Variants in TMEM218 observed in about 807,000 individuals in gnomAD.
TMEM218 encodes transmembrane protein 218.
A neutral mutation model predicts 10.0 loss-of-function variants in TMEM218; 8 were observed. That is an observed-to-expected ratio of 0.80 (90% CI 0.47 to 1.44). The LOEUF (loss-of-function observed/expected upper bound fraction) is 1.44. TMEM218 is among the 40% of genes most tolerant of loss of function. TMEM218 has a pLI of 0.00. For synonymous variants in TMEM218, 66 were observed against 63.5 expected (o/e 1.04, Z -0.18); for missense variants, 110 against 140.1 (o/e 0.79, Z 1.08).
At chr11:125,099,645 T>C (rs1040438431) in intron 4 of TMEM218, among the ~76,000 whole-genome samples, 1 of 152,114 alleles carries the variant, frequency 6.6e-6, no homozygotes, top group African/African-American at 2.4e-5. Flanking sequence ...GGAAAGCAGC[T>C]GGGTGCGGTG....
In TMEM218 at chr11:125,102,722, G is replaced by A. The variant is rs80106552; in HGVS notation, c.-77+12C>T. ...CTCTCAGGTTAAATCCATGGTGTGAGCTGTGACTCACCAGGCAATGGATCA... is the reference window on the plus strand; with the variant it reads ...CTCTCAGGTTAAATCCATGGTGTGAACTGTGACTCACCAGGCAATGGATCA... On this transcript the variant is annotated intron_variant, in intron 2 of 4. Transcript: ENST00000682305. The A allele has an allele frequency of 1.6e-3, 2,075 of 1,288,860 alleles. 28 individuals are homozygous for A. In the African/African-American group the frequency reaches 0.026, roughly 16 times the overall value. The allele number at this position is 1,288,860 out of a possible 1,614,324, so 79.8% of individuals were successfully genotyped here.
intron 1 of TMEM218, among the ~76,000 whole-genome samples, chr11:125,111,000 T>G (rs1953821318): frequency 6.6e-6 from 1 of 152,154 alleles, no homozygotes; most frequent in South Asian, 2.1e-4. Context: ...GCTCCCAAAA[T>G]GCCACCGATG....
chr11:125,107,885 CAAA>C (rs56007000), intron 1 of TMEM218, among the ~76,000 whole-genome samples: 2 of 101,618 alleles, frequency 2.0e-5, no homozygotes, highest in Non-Finnish European at 4.2e-5. Flanking sequence ...TTATCAAAGA[CAAA>C]AAAAAAAAAA....
intron 1 of TMEM218, among the ~76,000 whole-genome samples, chr11:125,107,816 TCTGC>T: frequency 1.3e-5 from 2 of 149,520 alleles, no homozygotes; most frequent in South Asian, 2.1e-4. Flanking sequence ...TATATATATA[TCTGC>T]ATAAATATGA....
intron 4 of TMEM218, 62 bp from the exon 5 acceptor site, chr11:125,097,802 TG>T (rs1949888241): frequency 6.5e-7 from 1 of 1,530,174 alleles, no homozygotes; most frequent in Admixed American, 1.9e-5. Flanking sequence ...TGGGTTAACC[TG>T]AACTCCATGA....
At chr11:125,107,981 TA>T (rs1176856933) in intron 1 of TMEM218, among the ~76,000 whole-genome samples, 3 of 151,490 alleles carry the variant, frequency 2.0e-5, no homozygotes, top group Non-Finnish European at 4.4e-5. Flanking sequence ...ATGGTTCAAT[TA>T]AAAAAATCTC....
intron 4 of TMEM218, among the ~76,000 whole-genome samples, chr11:125,098,249 C>T (rs559405553): frequency 8.5e-4 from 130 of 152,276 alleles, no homozygotes; most frequent in Non-Finnish European, 1.6e-3. Context: ...AAGCTATCAG[C>T]GGAAGAGTCC....
rs1387437318 is a variant in TMEM218, at chr11:125,102,264, C to T, written c.-23G>A. 1 of 1,609,550 alleles carries T rather than the reference C, an allele frequency of 6.2e-7. No homozygotes were observed. Among genetic ancestry groups the T allele is most frequent in the East Asian group, 2.2e-5 (1 of 44,738 alleles). The stretch of plus-strand genomic sequence containing the variant: ...CATCCCGCGGGGAGGCAGCGGCGGC[C>T]CCCCGCCCTGCGCGCCGCACGATCG... On this transcript the variant is annotated 5_prime_UTR_variant, in exon 3 of 5. Coordinates refer to ENST00000682305, the MANE Select transcript of TMEM218 (RefSeq NM_001258244.2).
rs1484415766 is a variant in TMEM218 at position 125,097,182 on chromosome 11, G to A, written c.*424C>T. The A allele has an allele frequency of 1.3e-5, 2 of 152,924 alleles. No individual in the cohort carries two copies. The highest frequency in any genetic ancestry group is 2.9e-5 in the Non-Finnish European group (2 of 68,586). The allele number at this position is 152,924 out of a possible 1,614,324, so 9.5% of individuals were successfully genotyped here. A position where few individuals can be genotyped will look rare whatever the true frequency, so the allele number is the denominator to read the frequency against. ...CACATTAAAATAACCTTTCAAATTT[G>A]AGTGCCTCTCCTTTGCAAACAACTG... On this transcript the variant is annotated 3_prime_UTR_variant, in exon 5 of 5. Transcript: ENST00000682305.
intron 4 of TMEM218, 39 bp downstream of exon 4, chr11:125,101,162 A>G (rs1457888661): frequency 1.3e-6 from 2 of 1,554,398 alleles, no homozygotes; most frequent in South Asian, 2.3e-5. Flanking sequence ...AGAAATAAGA[A>G]TCACAGCTCA....
At chr11:125,104,235 CT>C (rs571763227) in intron 1 of TMEM218, 1 of 152,250 alleles carries the variant, frequency 6.6e-6, no homozygotes, top group South Asian at 2.1e-4. Flanking sequence ...CCTAACTTCT[CT>C]GGGGAGCAGT....
intron 4 of TMEM218, among the ~76,000 whole-genome samples, chr11:125,100,099 C>T (rs906011595): frequency 6.6e-6 from 1 of 152,188 alleles, no homozygotes; most frequent in African/African-American, 2.4e-5. Flanking sequence ...TTTCCTTCCT[C>T]TTGCCATAGT....
chr11:125,104,105 G>A (rs916767635), intron 1 of TMEM218: 1 of 152,206 alleles, frequency 6.6e-6, no homozygotes, highest in African/African-American at 2.4e-5. Flanking sequence ...AGTGCAGTGG[G>A]AACTGCAATA....
rs1949843213 is a variant in TMEM218 at position 125,097,687 on chromosome 11, G to C, written c.267C>G (p.Ala89=). Residue 89 remains alanine (A), a synonymous_variant, in exon 5 of 5, where the codon GCC becomes GCG. Transcript: ENST00000682305. Reference sequence around the variant, plus strand: ...CCAAGAAGAGGCCTCCAAGGAAGATGGCACTAAGGAAAGCCAGCAGGACAT... The same window carrying C: ...CCAAGAAGAGGCCTCCAAGGAAGATCGCACTAAGGAAAGCCAGCAGGACAT... The part of the protein sequence containing the change: ...GRYVLLAFLS[A]IFLGGLFLVL... 6.2e-7 allele frequency: 1 copy of C among 1,613,954 alleles called. No homozygotes were observed. Among genetic ancestry groups the C allele is most frequent in the Non-Finnish European group, 8.5e-7 (1 of 1,179,970 alleles).
intron 4 of TMEM218, among the ~76,000 whole-genome samples, chr11:125,100,167 G>T (rs1950464224): frequency 1.3e-5 from 2 of 152,298 alleles, no homozygotes; most frequent in South Asian, 2.1e-4. Flanking sequence ...GTGTACTGTT[G>T]TTGTCTAGTG....
At chr11:125,107,799 G>GTATATATATA (rs55846847) in intron 1 of TMEM218, among the ~76,000 whole-genome samples, 3 of 82,336 alleles carry the variant, frequency 3.6e-5, no homozygotes, top group African/African-American at 1.0e-4. Flanking sequence ...GGATATGTGT[G>GTATATATATA]TATATATATA....
At chr11:125,110,116 TTTATC>T (rs1258023745) in intron 1 of TMEM218, among the ~76,000 whole-genome samples, 1 of 152,268 alleles carries the variant, frequency 6.6e-6, no homozygotes, top group Non-Finnish European at 1.5e-5. Flanking sequence ...TCTAGTCATT[TTTATC>T]TTATTTAAAT....
chr11:125,097,597 G>C lies in TMEM218; in HGVS notation c.*9C>G, dbSNP rs777108861. ...GGAGAGAACAGGTTTTCGTTTTCCT[G>C]AAGAGTGGTCAGTAGGAGTGCAGTG... On this transcript the variant is annotated 3_prime_UTR_variant, in exon 5 of 5. Transcript: ENST00000682305. 4.2e-5 allele frequency: 68 copies of C among 1,613,184 alleles called. No homozygotes were observed. Among genetic ancestry groups the C allele is most frequent in the Non-Finnish European group, 5.5e-5 (65 of 1,179,564 alleles).
chr11:125,099,794 C>T (rs1326472776), intron 4 of TMEM218, among the ~76,000 whole-genome samples: 1 of 152,090 alleles, frequency 6.6e-6, no homozygotes, highest in Non-Finnish European at 1.5e-5. Flanking sequence ...TGTGGTGGCA[C>T]ATGCCTATAA....
Sources: allele counts gnomAD v4.1 joint callset (sites outside exome capture counted in the v4.1 genomes callset), GRCh38; gene constraint gnomAD v4.1.1; transcripts MANE v1.5; gene names NCBI Gene and HGNC (gene_info 2026-07-23, HGNC 2026-07-21).